Variants in STARD13 observed in about 807,000 individuals in gnomAD.
The protein encoded by STARD13 is stAR-related lipid transfer protein 13.
Under a neutral mutation model 106.4 loss-of-function variants are expected in STARD13, and 62 were observed. The ratio of observed to expected loss-of-function variants is 0.58; its 90% CI spans 0.48 to 0.72. The LOEUF (loss-of-function observed/expected upper bound fraction) is 0.72, where lower values mean the gene tolerates loss of function less well. STARD13 is among the 30% of genes least tolerant of loss of function. The pLI is 0.00. For missense variants in STARD13, 1,387 were observed against 1,424.0 expected, an observed-to-expected ratio of 0.97 and a Z score of 0.42; for synonymous variants, 565 against 553.0, an observed-to-expected ratio of 1.02 and a Z score of -0.31.
At chr13:33,266,277 A>G (rs1244988301) in intron 1 of STARD13, among the ~76,000 whole-genome samples, 1 of 152,250 alleles carries the variant, frequency 6.6e-6, no homozygotes, top group Admixed American at 6.5e-5. Flanking sequence ...TGAGGATTAC[A>G]TGACATAATT....
At chr13:33,541,987 T>C in the STARD13 span, among the ~76,000 whole-genome samples, 1 of 152,184 alleles carries the variant, frequency 6.6e-6, no homozygotes, top group Non-Finnish European at 1.5e-5. Context: ...TCCTTTAAAA[T>C]TTGATAAAAG....
chr13:33,373,088 T>G, the STARD13 span, among the ~76,000 whole-genome samples: 8 of 152,182 alleles, frequency 5.3e-5, no homozygotes, highest in Non-Finnish European at 1.0e-4. Context: ...ATTTAAATGT[T>G]CCTCCAACTG....
the STARD13 span, among the ~76,000 whole-genome samples, chr13:33,555,849 A>G: frequency 1.3e-5 from 2 of 152,228 alleles, no homozygotes; most frequent in African/African-American, 2.4e-5. Context: ...CCACTCTTCT[A>G]TGATGTTCAA....
chr13:33,133,339 T>C (rs567688538), intron 4 of STARD13, among the ~76,000 whole-genome samples: 1 of 152,168 alleles, frequency 6.6e-6, no homozygotes, highest in African/African-American at 2.4e-5. Context: ...AACTAAGGCA[T>C]GTGAAAAAGT....
At chr13:33,133,908 T>C (rs1878698240) in intron 4 of STARD13, among the ~76,000 whole-genome samples, 1 of 152,234 alleles carries the variant, frequency 6.6e-6, no homozygotes, top group African/African-American at 2.4e-5. Context: ...TATGGAAGTG[T>C]ACTGATTGTT....
chr13:33,288,857 T>G (rs112736692), upstream of STARD13, among the ~76,000 whole-genome samples: 1,795 of 152,340 alleles, frequency 0.012, 32 homozygotes, highest in African/African-American at 0.04. Context: ...TGTAACATTA[T>G]TTTCTCATTA....
At chr13:33,264,108 A>T (rs569221395) in intron 1 of STARD13, among the ~76,000 whole-genome samples, 5 of 152,352 alleles carry the variant, frequency 3.3e-5, no homozygotes, top group African/African-American at 1.2e-4. Context: ...GTCCTGACCG[A>T]GAGGCAGCAT....
chr13:33,412,731 T>C, the STARD13 span, among the ~76,000 whole-genome samples: 215 of 152,272 alleles, frequency 1.4e-3, 1 homozygote, highest in African/African-American at 3.7e-3. Flanking sequence ...AGGGACACTA[T>C]GTAAAAGGGT....
intron 1 of STARD13, among the ~76,000 whole-genome samples, chr13:33,247,670 C>T (rs1236483581): frequency 6.6e-6 from 1 of 152,118 alleles, no homozygotes; most frequent in East Asian, 1.9e-4. Flanking sequence ...TTTCAATTTG[C>T]TATATATTAG....
the STARD13 span, among the ~76,000 whole-genome samples, chr13:33,462,315 C>G: frequency 3.9e-5 from 6 of 152,330 alleles, no homozygotes; most frequent in African/African-American, 1.4e-4. Context: ...GAAATATTTA[C>G]TTTCTGTACC....
At chr13:33,149,099 T>G (rs989501279) in intron 3 of STARD13, among the ~76,000 whole-genome samples, 1 of 152,136 alleles carries the variant, frequency 6.6e-6, no homozygotes, top group African/African-American at 2.4e-5. Flanking sequence ...TTTAGGGCAA[T>G]GCAGCTACTC....
intron 1 of STARD13, among the ~76,000 whole-genome samples, chr13:33,315,989 G>A (rs974124094): frequency 6.6e-6 from 1 of 152,172 alleles, no homozygotes; most frequent in African/African-American, 2.4e-5. Context: ...TACTTACCAA[G>A]TGGTTCTTCT....
chr13:33,548,778 G>A, the STARD13 span, among the ~76,000 whole-genome samples: 1 of 151,948 alleles, frequency 6.6e-6, no homozygotes, highest in Admixed American at 6.6e-5. Flanking sequence ...GCAATGCCCT[G>A]AATATAGTAT....
At chr13:33,620,085 T>G in the STARD13 span, among the ~76,000 whole-genome samples, 1 of 151,962 alleles carries the variant, frequency 6.6e-6, no homozygotes. Flanking sequence ...GGGTGGAATA[T>G]TCTTCATCAA....
the STARD13 span, among the ~76,000 whole-genome samples, chr13:33,479,292 G>A: frequency 6.6e-6 from 1 of 152,162 alleles, no homozygotes; most frequent in Non-Finnish European, 1.5e-5. Context: ...TGCAAACACG[G>A]CATAACCCCT....
the STARD13 span, among the ~76,000 whole-genome samples, chr13:33,489,114 T>C: frequency 6.6e-6 from 1 of 152,310 alleles, no homozygotes; most frequent in Non-Finnish European, 1.5e-5. Flanking sequence ...CTTTCTAAGG[T>C]ATTCACATCT....
chr13:33,460,407 C>T, the STARD13 span, among the ~76,000 whole-genome samples: 1 of 151,516 alleles, frequency 6.6e-6, no homozygotes, highest in Non-Finnish European at 1.5e-5. Flanking sequence ...AGGAGAACCG[C>T]TTGAACCTGG....
intron 1 of STARD13, among the ~76,000 whole-genome samples, chr13:33,313,273 T>C (rs1893210183): frequency 6.6e-6 from 1 of 152,194 alleles, no homozygotes; most frequent in Non-Finnish European, 1.5e-5. Context: ...GGAAATTTTA[T>C]TACAATGTAG....
At chr13:33,494,020 T>C in the STARD13 span, among the ~76,000 whole-genome samples, 6 of 76,452 alleles carry the variant, frequency 7.8e-5, no homozygotes, top group Non-Finnish European at 1.6e-4. Context: ...TTGGGAACCC[T>C]GTGTTCATCA....
Sources: allele counts gnomAD v4.1 joint callset (sites outside exome capture counted in the v4.1 genomes callset), GRCh38; gene constraint gnomAD v4.1.1; transcripts MANE v1.5; gene names NCBI Gene and HGNC (gene_info 2026-07-23, HGNC 2026-07-21).